The following PLA2G4E variants were observed in gnomAD, a reference collection of about 807,000 sequenced individuals.
The protein encoded by PLA2G4E is cytosolic phospholipase A2 epsilon.
PLA2G4E carries 84 observed loss-of-function variants against 109.1 expected under a neutral mutation model. The ratio of observed to expected loss-of-function variants is 0.77; its 90% CI spans 0.65 to 0.92. The LOEUF (loss-of-function observed/expected upper bound fraction) is 0.92. Among genes scored for constraint, PLA2G4E ranks in the 40% least tolerant of loss-of-function variants. PLA2G4E has a pLI of 0.00. For synonymous variants in PLA2G4E, 469 were observed against 436.1 expected, an observed-to-expected ratio of 1.08 and a Z score of -0.94; for missense variants, 1,057 against 1,076.6, an observed-to-expected ratio of 0.98 and a Z score of 0.25.
intron 6 of PLA2G4E, 130 bp from the exon 7 acceptor site, chr15:42,001,350 G>A (rs1318163387): frequency 1.2e-6 from 1 of 839,952 alleles, no homozygotes; most frequent in East Asian, 2.6e-5. Context: ...GCTGGGGAAT[G>A]CAGAATGTGT....
intron 1 of PLA2G4E, among the ~76,000 whole-genome samples, chr15:42,021,259 T>C (rs8026504): frequency 0.042 from 6,300 of 151,788 alleles, 382 homozygotes; most frequent in African/African-American, 0.13. Context: ...GTCAGCAGTC[T>C]GTAGCCCCCA....
intron 1 of PLA2G4E, among the ~76,000 whole-genome samples, chr15:42,033,560 T>C (rs16972499): frequency 0.2 from 16,319 of 80,510 alleles, 1,492 homozygotes; most frequent in African/African-American, 0.37. Context: ...GGAGGAGGCA[T>C]TGGGGCAAAG....
chr15:42,048,332 A>G (rs2141081350), intron 1 of PLA2G4E, among the ~76,000 whole-genome samples: 1 of 152,364 alleles, frequency 6.6e-6, no homozygotes, highest in Admixed American at 6.5e-5. Context: ...TTCTCAGAAC[A>G]TGTCCCTGTT....
At chr15:42,011,329 G>T (rs187237157) in intron 2 of PLA2G4E, among the ~76,000 whole-genome samples, 1 of 152,270 alleles carries the variant, frequency 6.6e-6, no homozygotes. Context: ...GAAGACAGAA[G>T]AAAGGACCCT....
At chr15:42,000,351 A>G (rs1279596099) in intron 7 of PLA2G4E, 69 bp from the exon 8 acceptor site, 4 of 1,428,772 alleles carry the variant, frequency 2.8e-6, no homozygotes, top group Non-Finnish European at 3.8e-6. Flanking sequence ...TGGTCCAGCA[A>G]AAAACCTATT....
intron 1 of PLA2G4E, among the ~76,000 whole-genome samples, chr15:42,027,699 C>T (rs571494804): frequency 4.8e-4 from 73 of 152,196 alleles, no homozygotes; most frequent in Non-Finnish European, 8.5e-4. Context: ...TCACGTTTGT[C>T]CTACTTTTCC....
intron 1 of PLA2G4E, among the ~76,000 whole-genome samples, chr15:42,045,858 A>G (rs1304081430): frequency 3.3e-5 from 5 of 152,248 alleles, no homozygotes; most frequent in East Asian, 3.9e-4. Context: ...CCAGACTTGT[A>G]TTTTCAACGG....
chr15:42,019,530 C>T (rs544038768), intron 1 of PLA2G4E, among the ~76,000 whole-genome samples: 1 of 152,160 alleles, frequency 6.6e-6, no homozygotes, highest in East Asian at 1.9e-4. Flanking sequence ...CAGGGCTTCT[C>T]AGGTCAGGCC....
chr15:42,005,885 G>A, intron 4 of PLA2G4E, 105 bp downstream of exon 4: 1 of 1,352,656 alleles, frequency 7.4e-7, no homozygotes, highest in Non-Finnish European at 1.0e-6. Context: ...TTCTCAACTT[G>A]ACTGTGTACA....
chr15:42,030,735 A>T (rs1889098596), intron 1 of PLA2G4E, among the ~76,000 whole-genome samples: 1 of 152,166 alleles, frequency 6.6e-6, no homozygotes. Flanking sequence ...GTAACCACTC[A>T]TTTGCCTCCT....
At chr15:41,989,469 A>G in exon 15 of PLA2G4E, 1 of 1,614,020 alleles carries the variant, frequency 6.2e-7, no homozygotes. Context: ...CGCCCCATGA[A>G]GAACTCGGAG....
intron 1 of PLA2G4E, among the ~76,000 whole-genome samples, chr15:42,031,954 C>A (rs11632564): frequency 0.12 from 18,901 of 152,108 alleles, 1,435 homozygotes; most frequent in African/African-American, 0.22. Flanking sequence ...GTATTTGGGT[C>A]ATGGGGATGG....
chr15:42,001,349 T>C (rs1203307493), intron 6 of PLA2G4E, 129 bp from the exon 7 acceptor site: 1 of 842,496 alleles, frequency 1.2e-6, no homozygotes, highest in African/African-American at 1.7e-5. Flanking sequence ...TGCTGGGGAA[T>C]GCAGAATGTG....
intron 3 of PLA2G4E, 105 bp downstream of exon 3, chr15:42,007,624 G>T: frequency 7.3e-7 from 1 of 1,377,912 alleles, no homozygotes; most frequent in East Asian, 2.5e-5. Flanking sequence ...TAGGCAGAAA[G>T]GAAAACAAAG....
Position 42,004,160 on chromosome 15 carries a change from A to G in PLA2G4E, c.566+778T>C, listed in dbSNP as rs143335402. On this transcript the variant is annotated intron_variant, in intron 5 of 19. Transcript: ENST00000399518. ...CTACTAAAAATACAAGAATTAGCCT[A>G]GCATGGTGGTGTGTTCCTGTAATCA... Among the ~76,000 whole-genome samples the G allele has an allele frequency of 8.9e-4, 136 of 152,178 alleles. 1 individual carries two copies. The highest frequency in any genetic ancestry group is 3.0e-3 in the African/African-American group (125 of 41,536).
chr15:42,017,289 G>A (rs2068604805), intron 1 of PLA2G4E, among the ~76,000 whole-genome samples: 1 of 152,106 alleles, frequency 6.6e-6, no homozygotes, highest in Admixed American at 6.5e-5. Flanking sequence ...CTCTCCCTTG[G>A]GACCTCACTC....
intron 1 of PLA2G4E, among the ~76,000 whole-genome samples, chr15:42,017,521 G>A (rs1023383378): frequency 8.5e-5 from 13 of 152,178 alleles, no homozygotes; most frequent in African/African-American, 3.1e-4. Flanking sequence ...CGTCTTTATA[G>A]ATGGAGAGTC....
Position 42,001,196 on chromosome 15 carries a change from C to T in PLA2G4E, c.634G>A (p.Val212Ile), listed in dbSNP as rs143966595. 1,221 of 1,613,772 alleles carry T rather than the reference C, an allele frequency of 7.6e-4. No homozygotes were observed. Among genetic ancestry groups the T allele is most frequent in the Non-Finnish European group, 9.5e-4 (1,126 of 1,179,758 alleles). The change falls in exon 7 of 20, where the codon GTT becomes ATT. Residue 212 changes from valine to isoleucine, a missense_variant. Transcript: ENST00000399518. ...CTCCGCCTCCTGGATTGTGCATGAA[C>T]CTCCAGGCAGGAGACTTGTCGAGAC...
intron 1 of PLA2G4E, 56 bp from the exon 2 acceptor site, chr15:42,013,813 C>A: frequency 6.8e-7 from 1 of 1,460,370 alleles, no homozygotes; most frequent in Non-Finnish European, 9.3e-7. Flanking sequence ...AAGGCCATTG[C>A]CCCGGGGGAG....
Sources: allele counts gnomAD v4.1 joint callset (sites outside exome capture counted in the v4.1 genomes callset), GRCh38; gene constraint gnomAD v4.1.1; transcripts MANE v1.5; gene names NCBI Gene and HGNC (gene_info 2026-07-23, HGNC 2026-07-21).